GPHN: variants seen among roughly 807,000 people sequenced by gnomAD.
GPHN encodes gephyrin.
In GPHN, 17 loss-of-function variants were observed where a neutral mutation model predicts 95.5. That is an observed-to-expected ratio of 0.18 (90% CI 0.12 to 0.27). GPHN has a LOEUF of 0.27. Among genes scored for constraint, GPHN ranks in the 10% least tolerant of loss-of-function variants. GPHN has a pLI of 1.00. For missense variants in GPHN, 660 were observed against 978.1 expected (o/e 0.67, Z 4.34); for synonymous variants, 320 against 322.5 (o/e 0.99, Z 0.08).
chr14:67,057,409 GGT>G (rs1491329462), intron 10 of GPHN, among the ~76,000 whole-genome samples: 19 of 147,430 alleles, frequency 1.3e-4, no homozygotes, highest in African/African-American at 4.2e-4. Flanking sequence ...TGGGCACATG[GGT>G]GGGGGGGGCA....
chr14:67,194,431 AG>A, the GPHN span, among the ~76,000 whole-genome samples: 1 of 151,816 alleles, frequency 6.6e-6, no homozygotes, highest in Non-Finnish European at 1.5e-5. Flanking sequence ...TACGATGATG[AG>A]GGGGGCGTGT....
At chr14:67,651,469 G>A in the GPHN span, 7 of 1,613,834 alleles carry the variant, frequency 4.3e-6, no homozygotes, top group African/African-American at 8.0e-5. Flanking sequence ...GCAGCAGCTT[G>A]TTGGTTGTCA....
intron 1 of GPHN, among the ~76,000 whole-genome samples, chr14:66,548,485 A>C (rs1241464242): frequency 6.6e-6 from 1 of 152,114 alleles, no homozygotes; most frequent in Non-Finnish European, 1.5e-5. Flanking sequence ...CCAGCCTACT[A>C]TTGTAATTGT....
At chr14:66,787,796 A>G (rs774594704) in intron 3 of GPHN, among the ~76,000 whole-genome samples, 1 of 151,852 alleles carries the variant, frequency 6.6e-6, no homozygotes, top group Non-Finnish European at 1.5e-5. Context: ...ATCTCAGTCT[A>G]TGCCTCATGC....
chr14:66,538,338 T>G (rs1040657418), intron 1 of GPHN, among the ~76,000 whole-genome samples: 3 of 151,956 alleles, frequency 2.0e-5, no homozygotes, highest in African/African-American at 7.2e-5. Flanking sequence ...TTTTTTTTTA[T>G]CAGCCTTGGA....
At chr14:66,753,682 C>T (rs1013820569) in intron 2 of GPHN, among the ~76,000 whole-genome samples, 2 of 151,854 alleles carry the variant, frequency 1.3e-5, no homozygotes, top group East Asian at 1.9e-4. Context: ...AAAAATAAAA[C>T]GAATATAATT....
At chr14:66,941,010 G>A (rs1381644876) in intron 8 of GPHN, among the ~76,000 whole-genome samples, 1 of 152,064 alleles carries the variant, frequency 6.6e-6, no homozygotes, top group Non-Finnish European at 1.5e-5. Flanking sequence ...AACCTGGATG[G>A]GCATCCTATT....
intron 1 of GPHN, among the ~76,000 whole-genome samples, chr14:66,621,087 C>T (rs931762867): frequency 1.4e-4 from 22 of 151,928 alleles, no homozygotes; most frequent in African/African-American, 4.1e-4. Context: ...GCCTCAGCCT[C>T]CTGAGCAGCT....
chr14:67,685,895 C>T, the GPHN span, among the ~76,000 whole-genome samples: 3 of 151,984 alleles, frequency 2.0e-5, no homozygotes, highest in South Asian at 2.1e-4. Flanking sequence ...GGATTACAGG[C>T]GCCCATCCCC....
intron 13 of GPHN, among the ~76,000 whole-genome samples, chr14:67,109,385 A>G (rs1228646748): frequency 6.6e-6 from 1 of 152,236 alleles, no homozygotes; most frequent in East Asian, 1.9e-4. Context: ...CTTCTCTATC[A>G]GATCAAATCT....
the GPHN span, chr14:67,575,677 G>C: frequency 2.8e-6 from 2 of 725,956 alleles, no homozygotes; most frequent in Admixed American, 2.3e-5. Context: ...CTGCCAGCCT[G>C]GCTGGGATGC....
chr14:66,695,034 C>A (rs1020190161), intron 2 of GPHN, among the ~76,000 whole-genome samples: 1 of 152,066 alleles, frequency 6.6e-6, no homozygotes, highest in Admixed American at 6.5e-5. Context: ...TGGTGCACGA[C>A]TGTAATCCCA....
chr14:66,534,830 G>A (rs557565448), intron 1 of GPHN, among the ~76,000 whole-genome samples: 2 of 152,012 alleles, frequency 1.3e-5, no homozygotes, highest in Non-Finnish European at 2.9e-5. Flanking sequence ...ATATTTTAAA[G>A]TTATTCTGTC....
chr14:67,187,991 T>C, the GPHN span, among the ~76,000 whole-genome samples: 1 of 152,208 alleles, frequency 6.6e-6, no homozygotes, highest in Admixed American at 6.5e-5. Flanking sequence ...TGGTCCAGCA[T>C]GGCATGGTGC....
At chr14:66,766,099 T>C (rs542459975) in intron 2 of GPHN, among the ~76,000 whole-genome samples, 4 of 152,130 alleles carry the variant, frequency 2.6e-5, no homozygotes, top group Non-Finnish European at 5.9e-5. Flanking sequence ...TACCCTAACT[T>C]TTTCCCTGAG....
intron 1 of GPHN, among the ~76,000 whole-genome samples, chr14:66,647,100 C>T (rs573928378): frequency 1.3e-5 from 2 of 148,684 alleles, no homozygotes; most frequent in Non-Finnish European, 3.0e-5. Flanking sequence ...AAGTCAGGGT[C>T]TCACTATGTT....
chr14:67,144,263 A>T (rs2080736350), intron 18 of GPHN, among the ~76,000 whole-genome samples: 1 of 96,204 alleles, frequency 1.0e-5, no homozygotes, highest in African/African-American at 5.1e-5. Context: ...ATATATATAT[A>T]TATATATATA....
intron 1 of GPHN, among the ~76,000 whole-genome samples, chr14:66,634,356 A>G (rs1487357175): frequency 6.6e-6 from 1 of 151,504 alleles, no homozygotes; most frequent in Non-Finnish European, 1.5e-5. Context: ...TTTTTGTATG[A>G]TACTTCACCT....
chr14:67,367,356 GA>G, the GPHN span, among the ~76,000 whole-genome samples: 1 of 152,144 alleles, frequency 6.6e-6, no homozygotes, highest in Non-Finnish European at 1.5e-5. Context: ...TCAGCCTCCA[GA>G]GTAGCTGGGA....
Sources: allele counts gnomAD v4.1 joint callset (sites outside exome capture counted in the v4.1 genomes callset), GRCh38; gene constraint gnomAD v4.1.1; transcripts MANE v1.5; gene names NCBI Gene and HGNC (gene_info 2026-07-23, HGNC 2026-07-21).